Variants in SNX14 observed in about 807,000 individuals in gnomAD.
SNX14 encodes the protein sorting nexin 14.
A neutral mutation model predicts 133.8 loss-of-function variants in SNX14; 93 were observed. The ratio of observed to expected loss-of-function variants is 0.70; its 90% CI spans 0.59 to 0.83. The LOEUF is 0.83. Among genes scored for constraint, SNX14 ranks in the 40% least tolerant of loss-of-function variants. The probability of loss-of-function intolerance (pLI) is 0.00; values close to 1 mark genes in which losing one functional copy is unlikely to be tolerated. For missense variants in SNX14, 945 were observed against 1,094.9 expected (o/e 0.86, Z 1.93); for synonymous variants, 368 against 365.6 (o/e 1.01, Z -0.07).
At chr6:85,588,341 A>G (rs541923842) in intron 1 of SNX14, among the ~76,000 whole-genome samples, 1 of 152,208 alleles carries the variant, frequency 6.6e-6, no homozygotes, top group South Asian at 2.1e-4. Context: ...TGGGAGGCCG[A>G]GGCAGGCAGA....
intron 14 of SNX14, among the ~76,000 whole-genome samples, chr6:85,542,872 T>C (rs775929005): frequency 2.6e-5 from 4 of 152,186 alleles, no homozygotes. Flanking sequence ...GTTCAAGCTA[T>C]TCTCCTGCCT....
intron 7 of SNX14, among the ~76,000 whole-genome samples, chr6:85,557,318 T>G (rs528623786): frequency 6.6e-6 from 1 of 152,290 alleles, no homozygotes; most frequent in Non-Finnish European, 1.5e-5. Flanking sequence ...ATGAAAAGTC[T>G]CAAATGAGGA....
At chr6:85,588,730 G>A (rs565261291) in intron 1 of SNX14, 3 of 310,978 alleles carry the variant, frequency 9.6e-6, no homozygotes, top group Non-Finnish European at 1.9e-5. Context: ...TTGACCAAAA[G>A]CCTTACCAAT....
chr6:85,518,164 G>C, intron 21 of SNX14, 116 bp from the exon 22 acceptor site: 1 of 798,868 alleles, frequency 1.3e-6, no homozygotes, highest in Non-Finnish European at 2.0e-6. Context: ...AACTGTAAAA[G>C]TATTTATGAT....
chr6:85,554,468 G>A (rs1788970305), intron 7 of SNX14, among the ~76,000 whole-genome samples: 1 of 151,968 alleles, frequency 6.6e-6, no homozygotes, highest in African/African-American at 2.4e-5. Context: ...TTTACTTCCT[G>A]AATTATGCTC....
chr6:85,560,732 C>G (rs930335182), intron 6 of SNX14, among the ~76,000 whole-genome samples: 1 of 152,142 alleles, frequency 6.6e-6, no homozygotes, highest in East Asian at 1.9e-4. Context: ...ATCCACTAAG[C>G]TAATCCAAAG....
At chr6:85,507,744 A>C (rs1282630984) in intron 27 of SNX14, among the ~76,000 whole-genome samples, 2 of 152,152 alleles carry the variant, frequency 1.3e-5, no homozygotes, top group Non-Finnish European at 2.9e-5. Context: ...AATTTTCTAC[A>C]ATTACTATAT....
chr6:85,533,548 C>A, intron 18 of SNX14, 51 bp downstream of exon 18: 1 of 1,550,090 alleles, frequency 6.5e-7, no homozygotes, highest in Non-Finnish European at 8.8e-7. Context: ...CTGATAACAA[C>A]AGACTCATTC....
intron 26 of SNX14, 59 bp from the exon 27 acceptor site, chr6:85,508,118 T>A (rs1248877364): frequency 1.3e-6 from 2 of 1,552,164 alleles, no homozygotes; most frequent in African/African-American, 2.8e-5. Context: ...CACCATTAAC[T>A]GGATCATAAA....
intron 7 of SNX14, among the ~76,000 whole-genome samples, chr6:85,552,884 C>T (rs929177883): frequency 1.3e-5 from 2 of 152,186 alleles, no homozygotes; most frequent in Non-Finnish European, 2.9e-5. Context: ...CAAAGCCTTG[C>T]TTTCTTAACC....
chr6:85,572,285 A>C lies in SNX14; in HGVS notation c.338+13T>G. The C allele has an allele frequency of 6.2e-7, 1 of 1,612,456 alleles. No individual in the cohort carries two copies. The highest frequency in any genetic ancestry group is 8.5e-7 in the Non-Finnish European group (1 of 1,179,000). On this transcript the variant is annotated intron_variant, in intron 3 of 28. Coordinates refer to ENST00000314673, the MANE Select transcript of SNX14 (RefSeq NM_153816.6). ...ATTAGAAGGATCAACAAATAAAAAA[A>C]TATTTAACTTACCTATGTCGTTTAC...
At chr6:85,593,487 G>A in intron 1 of SNX14, 92 bp downstream of exon 1, 1 of 1,473,376 alleles carries the variant, frequency 6.8e-7, no homozygotes, top group Non-Finnish European at 9.0e-7. Flanking sequence ...CAGTCCCGCA[G>A]CTACGCGGCC....
At chr6:85,518,233 G>C (rs1775712421) in intron 21 of SNX14, among the ~76,000 whole-genome samples, 185 bp from the exon 22 acceptor site, 2 of 152,152 alleles carry the variant, frequency 1.3e-5, no homozygotes, top group South Asian at 4.1e-4. Flanking sequence ...AATATTTATA[G>C]ATAGAATATT....
intron 21 of SNX14, among the ~76,000 whole-genome samples, chr6:85,523,727 C>T (rs977282735): frequency 4.6e-5 from 7 of 151,670 alleles, no homozygotes; most frequent in Non-Finnish European, 8.8e-5. Context: ...ATCACGCCAC[C>T]GCACTCCAGC....
intron 21 of SNX14, among the ~76,000 whole-genome samples, chr6:85,519,485 A>C (rs763956777): frequency 3.3e-5 from 5 of 152,180 alleles, no homozygotes; most frequent in Non-Finnish European, 4.4e-5. Context: ...AAAATTAGCC[A>C]GGTGTGCTGG....
At chr6:85,533,570 T>C in intron 18 of SNX14, 29 bp downstream of exon 18, 1 of 1,601,504 alleles carries the variant, frequency 6.2e-7, no homozygotes, top group Non-Finnish European at 8.5e-7. Flanking sequence ...TGGGCATCTT[T>C]TAAGAAAGGT....
chr6:85,540,513 T>C (rs559473994), intron 15 of SNX14, among the ~76,000 whole-genome samples: 2 of 152,372 alleles, frequency 1.3e-5, no homozygotes, highest in African/African-American at 4.8e-5. Context: ...ATATGATTTT[T>C]GTTAAATAAC....
At chr6:85,545,644 T>C (rs116326952) in intron 12 of SNX14, among the ~76,000 whole-genome samples, 2,564 of 152,270 alleles carry the variant, frequency 0.017, 69 homozygotes, top group African/African-American at 0.058. Context: ...ATATATGCAT[T>C]CATACAATGG....
chr6:85,525,541 G>A (rs1369867296), intron 21 of SNX14, among the ~76,000 whole-genome samples: 1 of 152,106 alleles, frequency 6.6e-6, no homozygotes, highest in Admixed American at 6.6e-5. Flanking sequence ...ACCATGAAAT[G>A]AAATTTGCTC....
Sources: allele counts gnomAD v4.1 joint callset (sites outside exome capture counted in the v4.1 genomes callset), GRCh38; gene constraint gnomAD v4.1.1; transcripts MANE v1.5; gene names NCBI Gene and HGNC (gene_info 2026-07-23, HGNC 2026-07-21).